ANKS1B: variants seen among roughly 807,000 people sequenced by gnomAD.
ANKS1B encodes the protein ankyrin repeat and sterile alpha motif domain-containing protein 1B.
ANKS1B carries 36 observed loss-of-function variants against 148.3 expected under a neutral mutation model. The observed-to-expected ratio is 0.24, with a 90% CI of 0.19 to 0.32. The LOEUF is 0.32. Among genes scored for constraint, ANKS1B ranks in the 10% least tolerant of loss-of-function variants. The probability of loss-of-function intolerance (pLI) is 1.00; values close to 1 mark genes in which losing one functional copy is unlikely to be tolerated. For synonymous variants in ANKS1B, 542 were observed against 560.8 expected, an observed-to-expected ratio of 0.97 and a Z score of 0.47; for missense variants, 1,157 against 1,542.6, an observed-to-expected ratio of 0.75 and a Z score of 4.19.
At chr12:99,107,033 G>A (rs2059370777) in intron 15 of ANKS1B, among the ~76,000 whole-genome samples, 1 of 152,052 alleles carries the variant, frequency 6.6e-6, no homozygotes. Context: ...ACACCACAAT[G>A]ATGGATGAAT....
In ANKS1B at chr12:99,010,021, C is replaced by T. The variant is rs549744933; in HGVS notation, c.2778+43136G>A. On this transcript the variant is annotated intron_variant, in intron 17 of 26. Transcript: ENST00000683438. ...TAGACATTAAGGAAGGGGCCAGGAG[C>T]GTGGAGGGAACCCAAGAGACGTGGG... Among the ~76,000 whole-genome samples, 10 of 152,172 alleles carry T rather than the reference C, an allele frequency of 6.6e-5. 1 individual carries two copies. The South Asian group carries it at 1.9e-3, about 28-fold the overall frequency.
At chr12:99,105,256 C>G (rs1488671868) in intron 15 of ANKS1B, among the ~76,000 whole-genome samples, 2 of 152,124 alleles carry the variant, frequency 1.3e-5, no homozygotes, top group African/African-American at 2.4e-5. Flanking sequence ...CTATCCTGCC[C>G]CCCAAGGACA....
intron 9 of ANKS1B, among the ~76,000 whole-genome samples, chr12:99,625,039 T>C (rs1664486520): frequency 1.3e-5 from 2 of 152,122 alleles, no homozygotes; most frequent in Admixed American, 1.3e-4. Flanking sequence ...ATGTGATACA[T>C]ATATACCATG....
At chr12:99,288,325 C>T (rs1602447264) in intron 12 of ANKS1B, among the ~76,000 whole-genome samples, 1 of 152,134 alleles carries the variant, frequency 6.6e-6, no homozygotes, top group East Asian at 1.9e-4. Context: ...AAATATCCTT[C>T]AAACATGAAG....
At chr12:99,073,918 G>A (rs1178823926) in intron 16 of ANKS1B, among the ~76,000 whole-genome samples, 1 of 152,098 alleles carries the variant, frequency 6.6e-6, no homozygotes, top group Non-Finnish European at 1.5e-5. Context: ...AGTTACTAAG[G>A]AGCAATCTTC....
At chr12:99,088,335 C>T (rs2153637251) in intron 15 of ANKS1B, among the ~76,000 whole-genome samples, 1 of 152,230 alleles carries the variant, frequency 6.6e-6, no homozygotes, top group South Asian at 2.1e-4. Flanking sequence ...CTAAGTCATA[C>T]ATTCTTTGTA....
chr12:99,185,208 C>T (rs2079658560), intron 14 of ANKS1B, among the ~76,000 whole-genome samples: 1 of 152,048 alleles, frequency 6.6e-6, no homozygotes, highest in Non-Finnish European at 1.5e-5. Flanking sequence ...TCCTAGATTA[C>T]CATGCCATTT....
At chr12:98,856,992 C>T (rs1595622002) in intron 17 of ANKS1B, among the ~76,000 whole-genome samples, 1 of 152,062 alleles carries the variant, frequency 6.6e-6, no homozygotes, top group Non-Finnish European at 1.5e-5. Flanking sequence ...ACTATGTGAG[C>T]AAGCCATACA....
intron 10 of ANKS1B, among the ~76,000 whole-genome samples, chr12:99,475,949 G>T (rs182287444): frequency 1.0e-3 from 151 of 151,554 alleles, no homozygotes; most frequent in African/African-American, 3.5e-3. Context: ...AAATCCAGAT[G>T]GATTACAGAA....
intron 9 of ANKS1B, among the ~76,000 whole-genome samples, chr12:99,530,217 T>C (rs2096973786): frequency 6.6e-6 from 1 of 152,182 alleles, no homozygotes. Flanking sequence ...AAAACATCAG[T>C]AAGGCTAGTG....
rs1387149128 is a variant in ANKS1B at position 98,909,709 on chromosome 12, TATTA to T, written c.2779-77577_2779-77574del. Reference sequence around the variant, plus strand: ...TTAGATAACTGTAGGGTCATGCTGATATTAGTCATTGTACTGTGATGACACCAAA... The same window carrying T: ...TTAGATAACTGTAGGGTCATGCTGATGTCATTGTACTGTGATGACACCAAA... On this transcript the variant is annotated intron_variant, in intron 17 of 26. Coordinates refer to ENST00000683438, the MANE Select transcript of ANKS1B (RefSeq NM_001352186.2). 5.9e-5 allele frequency among the ~76,000 whole-genome samples: 9 copies of T among 152,334 alleles called. No individual in the cohort carries two copies. The East Asian group carries it at 1.7e-3, about 29-fold the overall frequency.
At chr12:99,973,099 C>T (rs2095580297) in intron 1 of ANKS1B, among the ~76,000 whole-genome samples, 1 of 152,200 alleles carries the variant, frequency 6.6e-6, no homozygotes, top group Admixed American at 6.5e-5. Flanking sequence ...AGTGGCAGTG[C>T]ACTAGTCACA....
intron 9 of ANKS1B, among the ~76,000 whole-genome samples, chr12:99,565,943 G>A (rs2097387419): frequency 6.6e-6 from 1 of 152,116 alleles, no homozygotes; most frequent in African/African-American, 2.4e-5. Context: ...CAGCCTCCTA[G>A]AGGCCCTCAG....
rs554423752 is a variant in ANKS1B at position 99,658,111 on chromosome 12, G to A, written c.1129-2901C>T. On this transcript the variant is annotated intron_variant, in intron 8 of 26. Coordinates refer to ENST00000683438, the MANE Select transcript of ANKS1B (RefSeq NM_001352186.2). ...TTACCCTTGCCTAATCATGCTCTAT[G>A]CTTTTATTCTTTCTTTCACCTTACT... 2.6e-5 allele frequency among the ~76,000 whole-genome samples: 4 copies of A among 152,134 alleles called. No homozygotes were observed. The South Asian group carries it at 8.3e-4, about 32-fold the overall frequency.
At chr12:99,094,571 G>A (rs1237113086) in intron 15 of ANKS1B, among the ~76,000 whole-genome samples, 1 of 152,194 alleles carries the variant, frequency 6.6e-6, no homozygotes, top group African/African-American at 2.4e-5. Flanking sequence ...ATGTAATTAA[G>A]ACCTGAGGGG....
intron 8 of ANKS1B, among the ~76,000 whole-genome samples, chr12:99,733,575 GA>G (rs369891065): frequency 2.6e-5 from 4 of 152,124 alleles, no homozygotes; most frequent in African/African-American, 9.7e-5. Context: ...CTCTGTAAGA[GA>G]AAACATTTTA....
At chr12:99,444,635 T>C (rs924287209) in intron 10 of ANKS1B, among the ~76,000 whole-genome samples, 9 of 151,976 alleles carry the variant, frequency 5.9e-5, no homozygotes, top group Admixed American at 2.6e-4. Context: ...TGGTAGCACA[T>C]AGAAAAGTTA....
intron 17 of ANKS1B, chr12:98,894,846 A>G (rs1219097064): frequency 5.1e-6 from 5 of 980,662 alleles, no homozygotes; most frequent in Non-Finnish European, 1.2e-6. Context: ...CGCTGCGCCG[A>G]GCGCCGGGCT....
chr12:99,651,645 T>C (rs1021651559), intron 9 of ANKS1B, among the ~76,000 whole-genome samples: 16 of 152,304 alleles, frequency 1.1e-4, no homozygotes, highest in African/African-American at 3.8e-4. Context: ...TATTTCAATC[T>C]GCTTCTGATT....
Sources: gnomAD v4.1 joint callset for allele counts (sites outside exome capture counted in the v4.1 genomes callset) on GRCh38, gnomAD v4.1.1 for gene constraint, MANE v1.5 for transcripts, NCBI Gene and HGNC (gene_info 2026-07-23, HGNC 2026-07-21) for gene names.